Variants in TNKS observed in about 807,000 individuals in gnomAD.
TNKS encodes the protein tankyrase.
A neutral mutation model predicts 135.8 loss-of-function variants in TNKS; 72 were observed. The observed-to-expected ratio is 0.53, with a 90% CI of 0.44 to 0.64. The LOEUF (loss-of-function observed/expected upper bound fraction) is 0.64. Ranked by LOEUF, TNKS falls within the 30% of genes least tolerant of loss-of-function variation. The probability of loss-of-function intolerance (pLI) is 0.00; values close to 1 mark genes in which losing one functional copy is unlikely to be tolerated. For synonymous variants in TNKS, 849 were observed against 649.3 expected, an observed-to-expected ratio of 1.31 and a Z score of -4.68; for missense variants, 1,769 against 1,674.0, an observed-to-expected ratio of 1.06 and a Z score of -0.99.
intron 8 of TNKS, among the ~76,000 whole-genome samples, chr8:9,707,705 A>G (rs984568686): frequency 6.6e-6 from 1 of 152,224 alleles, no homozygotes; most frequent in South Asian, 2.1e-4. Flanking sequence ...TAATTTAGAT[A>G]CAGCTTTTCA....
chr8:9,631,731 A>G (rs55924085), intron 3 of TNKS, among the ~76,000 whole-genome samples: 15,655 of 149,556 alleles, frequency 0.1, 931 homozygotes, highest in South Asian at 0.18. Context: ...TTCCAAAATA[A>G]CGCTGCAACA....
In TNKS at chr8:9,556,590, T is replaced by G. The variant is rs545109956; in HGVS notation, c.651T>G (p.Ser217=). ...VNAKDMAGRK[S]SPLHFAAGFG... is the part of the protein sequence containing the mutation. ...CAAAGGACATGGCCGGCCGGAAGTC[T>G]TCTCCCCTGCACTTCGCTGCAGGTC... is the stretch of plus-strand genomic sequence containing the variant. The change falls in exon 1 of 27, where the codon TCT becomes TCG. Residue 217 remains serine (S), a synonymous_variant. Transcript: ENST00000310430. 6 of 1,613,722 alleles carry G rather than the reference T, an allele frequency of 3.7e-6. No homozygotes were observed. Among genetic ancestry groups the G allele is most frequent in the East Asian group, 4.5e-5 (2 of 44,882 alleles).
intron 25 of TNKS, among the ~76,000 whole-genome samples, chr8:9,769,663 A>G (rs1807694851): frequency 8.4e-6 from 1 of 118,894 alleles, no homozygotes; most frequent in Non-Finnish European, 1.6e-5. Context: ...TCTGTCGCCC[A>G]GCCTGGAGTG....
At chr8:9,605,491 TGAG>T (rs1799182713) in intron 2 of TNKS, among the ~76,000 whole-genome samples, 1 of 152,130 alleles carries the variant, frequency 6.6e-6, no homozygotes, top group Non-Finnish European at 1.5e-5. Flanking sequence ...TGTTTCCTTT[TGAG>T]TAAATACTTA....
At chr8:9,758,057 C>T (rs899563701) in intron 20 of TNKS, among the ~76,000 whole-genome samples, 1 of 152,208 alleles carries the variant, frequency 6.6e-6, no homozygotes, top group Non-Finnish European at 1.5e-5. Flanking sequence ...TACAGCTATA[C>T]ATCTCAGCTC....
chr8:9,752,717 G>A (rs902084603), intron 20 of TNKS, 91 bp downstream of exon 20: 1 of 839,548 alleles, frequency 1.2e-6, no homozygotes, highest in Non-Finnish European at 1.8e-6. Flanking sequence ...CAACACTTTG[G>A]AATGCTTCGG....
intron 3 of TNKS, among the ~76,000 whole-genome samples, chr8:9,659,318 T>G (rs1373278937): frequency 6.6e-6 from 1 of 152,088 alleles, no homozygotes; most frequent in Non-Finnish European, 1.5e-5. Flanking sequence ...ATTCCAAAAT[T>G]GACCACATAG....
intron 1 of TNKS, among the ~76,000 whole-genome samples, chr8:9,573,569 A>T (rs766056285): frequency 1.4e-4 from 22 of 152,224 alleles, no homozygotes; most frequent in Non-Finnish European, 2.4e-4. Context: ...AATTTAACAC[A>T]TAGATGTATA....
intron 5 of TNKS, among the ~76,000 whole-genome samples, chr8:9,691,611 C>T (rs1803275422): frequency 6.6e-6 from 1 of 152,154 alleles, no homozygotes; most frequent in Non-Finnish European, 1.5e-5. Context: ...GTGTTAATCA[C>T]CCTGTTCCTT....
chr8:9,615,511 G>A (rs1353106720), intron 2 of TNKS, 71 bp from the exon 3 acceptor site: 9 of 1,288,550 alleles, frequency 7.0e-6, no homozygotes, highest in African/African-American at 3.0e-5. Context: ...ACACCATGCC[G>A]AGACGACACT....
chr8:9,572,101 T>TA (rs1563390871), intron 1 of TNKS, among the ~76,000 whole-genome samples: 1 of 152,192 alleles, frequency 6.6e-6, no homozygotes, highest in East Asian at 1.9e-4. Flanking sequence ...TATATAGACA[T>TA]AAGCTCACAC....
chr8:9,682,016 C>T (rs1049991430), intron 5 of TNKS, among the ~76,000 whole-genome samples: 14 of 152,084 alleles, frequency 9.2e-5, no homozygotes, highest in Admixed American at 6.6e-5. Context: ...TTACTCAGCA[C>T]TATTAGTTAC....
intron 2 of TNKS, among the ~76,000 whole-genome samples, chr8:9,605,876 C>T (rs1339903999): frequency 2.6e-5 from 4 of 151,918 alleles, no homozygotes; most frequent in African/African-American, 9.7e-5. Flanking sequence ...CAAATATTTT[C>T]TTCTAGATTG....
intron 1 of TNKS, among the ~76,000 whole-genome samples, chr8:9,572,183 T>C (rs962515232): frequency 1.3e-5 from 2 of 152,210 alleles, no homozygotes; most frequent in Non-Finnish European, 2.9e-5. Flanking sequence ...CTTAGAGATT[T>C]TGCATATCTG....
chr8:9,695,504 C>T lies in TNKS; in HGVS notation c.1108-9159C>T, dbSNP rs192198370. On this transcript the variant is annotated intron_variant, in intron 5 of 26. Coordinates refer to ENST00000310430, the MANE Select transcript of TNKS (RefSeq NM_003747.3). ...GGATGGGATGTAGTCAGGGAGATTG[C>T]TTATGGCCTTCTAGAACATTTTAAA... 3.1e-3 allele frequency among the ~76,000 whole-genome samples: 478 copies of T among 152,148 alleles called. 3 individuals carry two copies. Among genetic ancestry groups the T allele is most frequent in the Non-Finnish European group, 3.3e-3 (226 of 67,990 alleles).
chr8:9,751,154 G>A (rs1040656817), intron 18 of TNKS, among the ~76,000 whole-genome samples: 4 of 152,184 alleles, frequency 2.6e-5, no homozygotes, highest in Non-Finnish European at 4.4e-5. Context: ...CCGCATACTC[G>A]AAAAGCAGTT....
chr8:9,595,752 C>G (rs576059382), intron 2 of TNKS, among the ~76,000 whole-genome samples: 7 of 152,232 alleles, frequency 4.6e-5, no homozygotes, highest in African/African-American at 1.4e-4. Flanking sequence ...ATGCCCAGGT[C>G]TGTCTGTCTA....
intron 12 of TNKS, among the ~76,000 whole-genome samples, chr8:9,725,550 T>A (rs1205537579): frequency 6.6e-6 from 1 of 152,148 alleles, no homozygotes; most frequent in East Asian, 1.9e-4. Flanking sequence ...ACTTGGACAT[T>A]GGGCTCAAAA....
rs1441227051 is a variant in TNKS, at chr8:9,777,229, G to C, written c.*493G>C. The C allele has an allele frequency of 1.3e-5, 2 of 156,586 alleles. No individual in the cohort carries two copies. The highest frequency in any genetic ancestry group is 2.8e-5 in the Non-Finnish European group (2 of 70,270). 9.7% of individuals were successfully genotyped at this position (156,586 alleles called of 1,614,324 possible). A position where few individuals can be genotyped will look rare whatever the true frequency, so the allele number is the denominator to read the frequency against. On this transcript the variant is annotated 3_prime_UTR_variant, in exon 27 of 27. Coordinates refer to ENST00000310430, the MANE Select transcript of TNKS (RefSeq NM_003747.3). The stretch of plus-strand genomic sequence containing the variant: ...GTGTTTTTTGGGTTACTTTGAAAAT[G>C]AGCCAGAGCCTTCTTGAGGATATTT...
Sources: gnomAD v4.1 joint callset for allele counts (sites outside exome capture counted in the v4.1 genomes callset) on GRCh38, gnomAD v4.1.1 for gene constraint, MANE v1.5 for transcripts, NCBI Gene and HGNC (gene_info 2026-07-23, HGNC 2026-07-21) for gene names.